The following GPM6B variants were observed in gnomAD, a reference collection of about 807,000 sequenced individuals.
GPM6B encodes the protein glycoprotein M6B.
Under a neutral mutation model 27.2 loss-of-function variants are expected in GPM6B, and 4 were observed. The ratio of observed to expected loss-of-function variants is 0.15; its 90% CI spans 0.07 to 0.34. GPM6B has a LOEUF of 0.34. Among genes scored for constraint, GPM6B ranks in the 10% least tolerant of loss-of-function variants. The pLI, the probability that GPM6B is intolerant of heterozygous loss-of-function variation, is 1.00. For missense variants in GPM6B, 183 were observed against 261.9 expected, an observed-to-expected ratio of 0.70 and a Z score of 2.08; for synonymous variants, 124 against 103.1, an observed-to-expected ratio of 1.20 and a Z score of -1.23.
chrX:13,869,060 G>C (rs757818278), intron 1 of GPM6B, among the ~76,000 whole-genome samples: 1 of 111,805 alleles, frequency 8.9e-6, no homozygotes, highest in South Asian at 3.8e-4. Context: ...CAGAATAATA[G>C]TCCAAAAGGT....
chrX:13,895,042 A>G (rs2050220628), intron 1 of GPM6B, among the ~76,000 whole-genome samples: 1 of 111,934 alleles, frequency 8.9e-6, no homozygotes, highest in African/African-American at 3.2e-5. Context: ...TGCCAAGTGA[A>G]TATTTTCTTT....
chrX:13,871,574 G>T (rs748084043), intron 1 of GPM6B, among the ~76,000 whole-genome samples: 1 of 112,216 alleles, frequency 8.9e-6, no homozygotes, highest in Non-Finnish European at 1.9e-5. Context: ...CAATGGGGAC[G>T]CTCAGGTCTT....
chrX:13,880,033 G>A (rs2050078126), intron 1 of GPM6B, among the ~76,000 whole-genome samples: 1 of 112,322 alleles, frequency 8.9e-6, no homozygotes, highest in South Asian at 3.7e-4. Context: ...CTCATCAGTG[G>A]CAATTTTCAG....
intron 1 of GPM6B, among the ~76,000 whole-genome samples, chrX:13,884,937 C>T (rs918035579): frequency 1.8e-5 from 2 of 112,133 alleles, no homozygotes; most frequent in Non-Finnish European, 3.8e-5. Context: ...CCCAACAGAG[C>T]ACACGGCCTG....
At chrX:13,865,352 G>A (rs1402796849) in intron 1 of GPM6B, among the ~76,000 whole-genome samples, 3 of 108,152 alleles carry the variant, frequency 2.8e-5, no homozygotes, top group African/African-American at 1.0e-4. Flanking sequence ...AAACTGCAAA[G>A]CAGTTCATGA....
chrX:13,895,194 T>C (rs1027427831), intron 1 of GPM6B, among the ~76,000 whole-genome samples: 7 of 111,882 alleles, frequency 6.3e-5, no homozygotes, highest in Non-Finnish European at 1.3e-4. Context: ...CTCCTTAGCA[T>C]CTTTCTGCTA....
At chrX:13,865,883 T>C (rs1295668863) in intron 1 of GPM6B, among the ~76,000 whole-genome samples, 1 of 111,388 alleles carries the variant, frequency 9.0e-6, no homozygotes, top group Non-Finnish European at 1.9e-5. Context: ...AATCCTGTCA[T>C]TTTTGACAAC....
chrX:13,904,287 A>G (rs893721481), intron 1 of GPM6B, among the ~76,000 whole-genome samples: 1 of 112,223 alleles, frequency 8.9e-6, no homozygotes, highest in Non-Finnish European at 1.9e-5. Flanking sequence ...ACCTGCAATA[A>G]CTGTAATGGG....
chrX:13,876,984 G>T (rs981541294), intron 1 of GPM6B, among the ~76,000 whole-genome samples: 1 of 110,981 alleles, frequency 9.0e-6, no homozygotes, highest in Non-Finnish European at 1.9e-5. Flanking sequence ...CCATTTTTTG[G>T]ATCACACAAT....
intron 1 of GPM6B, among the ~76,000 whole-genome samples, chrX:13,829,316 G>C (rs908542149): frequency 9.0e-6 from 1 of 111,526 alleles, no homozygotes; most frequent in African/African-American, 3.3e-5. Flanking sequence ...CAGCTTCATT[G>C]TCTACCAAAA....
intron 1 of GPM6B, among the ~76,000 whole-genome samples, chrX:13,839,651 T>C (rs920988403): frequency 2.7e-5 from 3 of 111,235 alleles, no homozygotes; most frequent in Non-Finnish European, 5.7e-5. Flanking sequence ...CCCTGTTAAG[T>C]GATGTTTCAT....
At chrX:13,925,335 T>C in intron 1 of GPM6B, among the ~76,000 whole-genome samples, 1 of 111,795 alleles carries the variant, frequency 8.9e-6, no homozygotes, top group Non-Finnish European at 1.9e-5. Context: ...CTAATTGCTT[T>C]ACTTTTTTAT....
chrX:13,935,506 C>A (rs905646489), intron 1 of GPM6B, among the ~76,000 whole-genome samples: 4 of 111,090 alleles, frequency 3.6e-5, no homozygotes, highest in Non-Finnish European at 7.5e-5. Context: ...CAGAGTGAGA[C>A]CCTGTCTCCA....
At chrX:13,936,076 T>A (rs1439893511) in intron 1 of GPM6B, among the ~76,000 whole-genome samples, 4 of 111,425 alleles carry the variant, frequency 3.6e-5, no homozygotes, top group African/African-American at 1.3e-4. Context: ...GGTACAAGAT[T>A]TCTTTTTGGG....
intron 2 of GPM6B, among the ~76,000 whole-genome samples, chrX:13,802,773 C>G (rs1199542646): frequency 8.9e-6 from 1 of 111,737 alleles, no homozygotes; most frequent in Admixed American, 9.5e-5. Context: ...CCATTTACCT[C>G]TATGTAATCA....
chrX:13,791,757 G>C (rs753381003), intron 2 of GPM6B, among the ~76,000 whole-genome samples: 1 of 111,533 alleles, frequency 9.0e-6, no homozygotes, highest in South Asian at 3.8e-4. Context: ...ATGGCTGTGA[G>C]TTCATAATGG....
intron 1 of GPM6B, among the ~76,000 whole-genome samples, chrX:13,874,126 AGGC>A (rs1397161504): frequency 1.8e-5 from 2 of 112,161 alleles, no homozygotes; most frequent in African/African-American, 6.5e-5. Context: ...AGACATTAGG[AGGC>A]AGTCAAAATC....
intron 1 of GPM6B, among the ~76,000 whole-genome samples, chrX:13,827,717 C>T (rs935425441): frequency 5.3e-5 from 6 of 112,224 alleles, no homozygotes; most frequent in African/African-American, 1.9e-4. Flanking sequence ...GGTTAAATCA[C>T]AGGACACTTG....
intron 1 of GPM6B, among the ~76,000 whole-genome samples, chrX:13,871,054 G>A (rs1419323196): frequency 9.5e-6 from 1 of 104,800 alleles, no homozygotes; most frequent in Non-Finnish European, 1.9e-5. Flanking sequence ...GTGACAGAGC[G>A]AGACCCTATC....
Sources: gnomAD v4.1 joint callset for allele counts (sites outside exome capture counted in the v4.1 genomes callset) on GRCh38, gnomAD v4.1.1 for gene constraint, MANE v1.5 for transcripts, NCBI Gene and HGNC (gene_info 2026-07-23, HGNC 2026-07-21) for gene names.